The following MAN2A1 variants were observed in gnomAD, a reference collection of about 807,000 sequenced individuals.
The protein encoded by MAN2A1 is mannosidase alpha class 2A member 1.
Under a neutral mutation model 142.6 loss-of-function variants are expected in MAN2A1, and 76 were observed. The observed-to-expected ratio is 0.53, with a 90% CI of 0.44 to 0.65. The LOEUF is 0.65. Among genes scored for constraint, MAN2A1 ranks in the 30% least tolerant of loss-of-function variants. The probability of loss-of-function intolerance (pLI) is 0.00; values close to 1 mark genes in which losing one functional copy is unlikely to be tolerated. For missense variants in MAN2A1, 1,311 were observed against 1,365.1 expected, an observed-to-expected ratio of 0.96 and a Z score of 0.62; for synonymous variants, 559 against 473.2, an observed-to-expected ratio of 1.18 and a Z score of -2.35.
intron 10 of MAN2A1, among the ~76,000 whole-genome samples, chr5:109,788,694 G>A (rs1258150367): frequency 3.3e-5 from 5 of 151,768 alleles, no homozygotes; most frequent in Admixed American, 6.6e-5. Flanking sequence ...GTTTGATTAT[G>A]TTTATGTGTT....
intron 4 of MAN2A1, among the ~76,000 whole-genome samples, chr5:109,738,289 T>G (rs1177332488): frequency 6.6e-6 from 1 of 150,752 alleles, no homozygotes; most frequent in Non-Finnish European, 1.5e-5. Context: ...CTGTATTAGC[T>G]CATTCATTCA....
chr5:109,690,122 C>A lies in MAN2A1; in HGVS notation c.-296C>A. 1 of 332,010 alleles carries A rather than the reference C, an allele frequency of 3.0e-6. No individual in the cohort carries two copies. The highest frequency in any genetic ancestry group is 5.7e-6 in the Non-Finnish European group (1 of 176,966). The allele number at this position is 332,010 out of a possible 1,614,324, so 20.6% of individuals were successfully genotyped here. A position where few individuals can be genotyped will look rare whatever the true frequency, so the allele number is the denominator to read the frequency against. On this transcript the variant is annotated 5_prime_UTR_variant, in exon 1 of 22. Coordinates refer to ENST00000261483, the MANE Select transcript of MAN2A1 (RefSeq NM_002372.4). ...CTGCCCCGCGCGCCCTGCCGGAGGT[C>A]GGCGCTGAGCTTGCGATCAAGTTTG...
chr5:109,733,654 T>TGGA (rs1561484146), intron 4 of MAN2A1, among the ~76,000 whole-genome samples: 1 of 152,182 alleles, frequency 6.6e-6, no homozygotes, highest in African/African-American at 2.4e-5. Flanking sequence ...GTTTATATGC[T>TGGA]GGATTACATT....
intron 10 of MAN2A1, among the ~76,000 whole-genome samples, chr5:109,785,434 A>G (rs1249933488): frequency 6.6e-6 from 1 of 151,910 alleles, no homozygotes; most frequent in Non-Finnish European, 1.5e-5. Context: ...ACCTTATCAT[A>G]TGTGGATGAT....
chr5:109,836,416 G>C (rs561538128), intron 16 of MAN2A1, among the ~76,000 whole-genome samples: 24 of 152,188 alleles, frequency 1.6e-4, no homozygotes, highest in South Asian at 1.5e-3. Flanking sequence ...GCACCGGCAT[G>C]CCCTCCAGTT....
intron 12 of MAN2A1, among the ~76,000 whole-genome samples, chr5:109,792,559 G>C (rs567257543): frequency 1.3e-5 from 2 of 152,020 alleles, no homozygotes; most frequent in African/African-American, 4.8e-5. Flanking sequence ...TGACCTGATG[G>C]TCAAATGTTT....
chr5:109,848,719 A>G (rs1345941402), intron 19 of MAN2A1, among the ~76,000 whole-genome samples: 6 of 152,068 alleles, frequency 3.9e-5, no homozygotes, highest in South Asian at 4.1e-4. Context: ...CTTGCTCCTC[A>G]TATCCAACAC....
At chr5:109,775,582 T>A (rs1280513804) in intron 8 of MAN2A1, among the ~76,000 whole-genome samples, 1 of 152,050 alleles carries the variant, frequency 6.6e-6, no homozygotes, top group Non-Finnish European at 1.5e-5. Context: ...TGCAGCATTC[T>A]TCAACTCAAG....
At chr5:109,728,716 G>C (rs900071974) in intron 3 of MAN2A1, among the ~76,000 whole-genome samples, 2 of 152,154 alleles carry the variant, frequency 1.3e-5, no homozygotes, top group African/African-American at 4.8e-5. Flanking sequence ...TTTGTTGTTT[G>C]ATTAGTGTTA....
chr5:109,696,228 G>A (rs1750808000), intron 1 of MAN2A1, among the ~76,000 whole-genome samples: 1 of 151,994 alleles, frequency 6.6e-6, no homozygotes, highest in Non-Finnish European at 1.5e-5. Context: ...AGCCTCCCGA[G>A]TAGCTGGGAT....
At chr5:109,816,252 T>A (rs1429572243) in intron 12 of MAN2A1, among the ~76,000 whole-genome samples, 1 of 152,202 alleles carries the variant, frequency 6.6e-6, no homozygotes, top group Non-Finnish European at 1.5e-5. Context: ...AATAAAACCA[T>A]CATGTAAAAA....
chr5:109,736,642 C>G (rs1002294870), intron 4 of MAN2A1, among the ~76,000 whole-genome samples: 6 of 151,936 alleles, frequency 3.9e-5, no homozygotes, highest in African/African-American at 1.5e-4. Context: ...AGAATTTATC[C>G]CATGTGTAGT....
intron 8 of MAN2A1, 94 bp downstream of exon 8, chr5:109,775,059 A>G (rs1475000989): frequency 2.6e-6 from 2 of 774,204 alleles, no homozygotes; most frequent in South Asian, 3.8e-5. Context: ...TTTGTCCTAC[A>G]TCACAGTGCT....
intron 1 of MAN2A1, among the ~76,000 whole-genome samples, chr5:109,700,299 G>C: frequency 9.3e-6 from 1 of 107,504 alleles, no homozygotes; most frequent in South Asian, 3.0e-4. Flanking sequence ...TTTTTTTTTT[G>C]GTCGTTCACA....
rs377074330 is a variant in MAN2A1, at chr5:109,826,148, C to A, written c.2566+2311C>A. Among the ~76,000 whole-genome samples the A allele has an allele frequency of 9.2e-5, 14 of 151,974 alleles. 1 individual carries two copies. The highest frequency in any genetic ancestry group is 2.6e-4 in the Admixed American group (4 of 15,264). ...CTCGAACTCTTGACCTCAGGTAATCCACCCGCCTTGTCTTCCCAAAGTGCT... is the reference window on the plus strand; with the variant it reads ...CTCGAACTCTTGACCTCAGGTAATCAACCCGCCTTGTCTTCCCAAAGTGCT... On this transcript the variant is annotated intron_variant, in intron 16 of 21. Transcript: ENST00000261483.
rs1272931761 is a variant in MAN2A1, at chr5:109,855,162, G to C, written c.2999G>C (p.Ser1000Thr). The C allele has an allele frequency of 6.4e-7, 1 of 1,564,362 alleles. No individual in the cohort carries two copies. Among genetic ancestry groups the C allele is most frequent in the Non-Finnish European group, 8.6e-7 (1 of 1,162,024 alleles). Reference protein sequence around the residue: ...VNTEEEKKSVSYPSLLSHITS... With the variant: ...VNTEEEKKSVTYPSLLSHITS... ...TAGGAAGAAGAAAAGAAGTCGGTCA[G>C]TTATCCTTCTCTCCTTAGCCACATA... is the stretch of plus-strand genomic sequence containing the variant. Residue 1000 changes from serine (S) to threonine (T), a missense_variant, in exon 20 of 22, where the codon AGT becomes ACT. By Grantham distance (58) the Ser-to-Thr change is moderately conservative (BLOSUM62 1). Transcript: ENST00000261483.
chr5:109,708,632 G>A (rs1751209732), intron 1 of MAN2A1, among the ~76,000 whole-genome samples: 1 of 151,942 alleles, frequency 6.6e-6, no homozygotes, highest in African/African-American at 2.4e-5. Flanking sequence ...CTGCATGCTG[G>A]AGAACCAGAG....
intron 21 of MAN2A1, among the ~76,000 whole-genome samples, chr5:109,866,581 C>T (rs548572994): frequency 6.2e-4 from 94 of 152,300 alleles, no homozygotes; most frequent in Non-Finnish European, 9.4e-4. Context: ...ATGACCATTA[C>T]TGGTTTCCTG....
chr5:109,847,094 CTA>C (rs1197793125), intron 18 of MAN2A1, among the ~76,000 whole-genome samples: 1 of 152,114 alleles, frequency 6.6e-6, no homozygotes, highest in Non-Finnish European at 1.5e-5. Flanking sequence ...TTAAAAAACA[CTA>C]TGTTGAGAAA....
Sources: gnomAD v4.1 joint callset for allele counts (sites outside exome capture counted in the v4.1 genomes callset) on GRCh38, gnomAD v4.1.1 for gene constraint, MANE v1.5 for transcripts, NCBI Gene and HGNC (gene_info 2026-07-23, HGNC 2026-07-21) for gene names.